C16orf96: variants seen among roughly 807,000 people sequenced by gnomAD.
C16orf96 encodes the protein uncharacterized protein C16orf96.
In C16orf96, 108 loss-of-function variants were observed where a neutral mutation model predicts 103.6. That is an observed-to-expected ratio of 1.04 (90% CI 0.89 to 1.22). The LOEUF (loss-of-function observed/expected upper bound fraction) is 1.22, where lower values mean the gene tolerates loss of function less well. Among genes scored for constraint, C16orf96 ranks in the 50% most tolerant of loss-of-function variants. The probability of loss-of-function intolerance (pLI) is 0.00; values close to 1 mark genes in which losing one functional copy is unlikely to be tolerated. For synonymous variants in C16orf96, 566 were observed against 593.5 expected, an observed-to-expected ratio of 0.95 and a Z score of 0.67; for missense variants, 1,586 against 1,464.2, an observed-to-expected ratio of 1.08 and a Z score of -1.36.
At chr16:4,549,499 C>T in the C16orf96 span, among the ~76,000 whole-genome samples, 9 of 150,016 alleles carry the variant, frequency 6.0e-5, no homozygotes, top group African/African-American at 2.2e-4. Context: ...AACAACCAAC[C>T]AGAATACCAG....
chr16:4,586,999 C>A (rs1443703336), intron 7 of C16orf96, 40 bp from the exon 8 acceptor site: 2 of 1,523,584 alleles, frequency 1.3e-6, no homozygotes, highest in Non-Finnish European at 1.8e-6. Flanking sequence ...ATCCTCAAGG[C>A]TCTCCAGGAT....
At chr16:4,547,287 C>A in the C16orf96 span, among the ~76,000 whole-genome samples, 4 of 152,194 alleles carry the variant, frequency 2.6e-5, no homozygotes, top group Non-Finnish European at 5.9e-5. Context: ...GGTGTGCCCA[C>A]CACCACACCC....
chr16:4,546,058 C>T, the C16orf96 span, among the ~76,000 whole-genome samples: 1 of 151,882 alleles, frequency 6.6e-6, no homozygotes, highest in Non-Finnish European at 1.5e-5. Flanking sequence ...GCATGTTGGC[C>T]AGGCTGATCT....
chr16:4,588,295 G>A lies in C16orf96; in HGVS notation c.2556G>A (p.Lys852=). Residue 852 remains lysine, a synonymous_variant, in exon 9 of 16, where the codon AAG becomes AAA. Transcript: ENST00000444310. The stretch of plus-strand genomic sequence containing the variant: ...CGATCCATGAGGACAGCTGGAAGAA[G>A]GCTATGGAGGAGCTCAGCAAGGACG... ...KVTIHEDSWK[K]AMEELSKDVN... 6.4e-7 allele frequency: 1 copy of A among 1,551,704 alleles called. No individual in the cohort carries two copies. Among genetic ancestry groups the A allele is most frequent in the Non-Finnish European group, 8.7e-7 (1 of 1,146,964 alleles).
intron 1 of C16orf96, among the ~76,000 whole-genome samples, chr16:4,568,149 C>T (rs1207393641): frequency 6.6e-6 from 1 of 151,352 alleles, no homozygotes; most frequent in Admixed American, 6.6e-5. Flanking sequence ...AAATGATACT[C>T]CTGCCTCAAG....
chr16:4,559,761 T>C (rs1259187143), intron 1 of C16orf96, among the ~76,000 whole-genome samples: 2 of 152,152 alleles, frequency 1.3e-5, no homozygotes, highest in African/African-American at 4.8e-5. Flanking sequence ...CCTTTACTTC[T>C]CCTCCCTGCA....
Position 4,574,805 on chromosome 16 carries a change from C to T in C16orf96, c.606+16C>T. The T allele has an allele frequency of 3.2e-6, 5 of 1,550,568 alleles. No individual in the cohort carries two copies. The highest frequency in any genetic ancestry group is 4.4e-6 in the Non-Finnish European group (5 of 1,146,436). Reference sequence around the variant, plus strand: ...GCGGGAAGTGGTGAGGGCCACCATCCCTGTCTTCCCCCACTCCCCCTGGGA... The same window carrying T: ...GCGGGAAGTGGTGAGGGCCACCATCTCTGTCTTCCCCCACTCCCCCTGGGA... On this transcript the variant is annotated intron_variant, in intron 3 of 15. Coordinates refer to ENST00000444310, the MANE Select transcript of C16orf96 (RefSeq NM_001145011.2).
chr16:4,578,635 G>A (rs976527023), intron 5 of C16orf96, among the ~76,000 whole-genome samples: 15 of 152,136 alleles, frequency 9.9e-5, no homozygotes, highest in African/African-American at 3.1e-4. Flanking sequence ...GCGTGTGCCT[G>A]TAATCCCAGG....
intron 1 of C16orf96, among the ~76,000 whole-genome samples, chr16:4,562,180 C>T (rs1042425493): frequency 6.6e-6 from 1 of 152,172 alleles, no homozygotes; most frequent in African/African-American, 2.4e-5. Flanking sequence ...TACAGATGTT[C>T]AAGAGAAAAG....
the C16orf96 span, among the ~76,000 whole-genome samples, chr16:4,547,737 T>TTTCTTTCTTTCTTTCC: frequency 7.0e-6 from 1 of 143,366 alleles, no homozygotes; most frequent in Admixed American, 7.2e-5. Flanking sequence ...TCTTTCTTTC[T>TTTCTTTCTTTCTTTCC]CCTTCCTTGC....
intron 11 of C16orf96, 76 bp downstream of exon 11, chr16:4,592,443 T>C: frequency 6.8e-7 from 1 of 1,476,060 alleles, no homozygotes; most frequent in Admixed American, 2.0e-5. Context: ...TGCACCTCCA[T>C]GTGCACCGTT....
the C16orf96 span, among the ~76,000 whole-genome samples, chr16:4,546,266 C>T: frequency 6.6e-6 from 1 of 151,180 alleles, no homozygotes; most frequent in Non-Finnish European, 1.5e-5. Context: ...TCACGCCATT[C>T]TCCTGCCTCA....
chr16:4,563,830 A>G (rs576545359), intron 1 of C16orf96, among the ~76,000 whole-genome samples: 15 of 150,388 alleles, frequency 1.0e-4, no homozygotes, highest in African/African-American at 3.4e-4. Flanking sequence ...GGGCCTCCCA[A>G]TGTGCTGGGA....
At chr16:4,559,240 C>CT in intron 1 of C16orf96, among the ~76,000 whole-genome samples, 1 of 151,998 alleles carries the variant, frequency 6.6e-6, no homozygotes, top group Non-Finnish European at 1.5e-5. Flanking sequence ...CCACTCTTCT[C>CT]TTTCAAATTG....
the C16orf96 span, among the ~76,000 whole-genome samples, chr16:4,551,296 G>A: frequency 1.3e-5 from 2 of 152,024 alleles, no homozygotes; most frequent in African/African-American, 4.8e-5. Context: ...TATTAGAAGC[G>A]AATGGCTTGA....
chr16:4,553,465 G>C (rs914413030), upstream of C16orf96, among the ~76,000 whole-genome samples: 4 of 152,012 alleles, frequency 2.6e-5, no homozygotes, highest in Admixed American at 1.3e-4. Flanking sequence ...GCAGCCTCGA[G>C]TAGCTGGGAT....
the C16orf96 span, among the ~76,000 whole-genome samples, chr16:4,539,651 C>T: frequency 1.3e-5 from 2 of 152,100 alleles, no homozygotes; most frequent in Non-Finnish European, 2.9e-5. Context: ...TGCCTCTGCA[C>T]TCCAGCCTGA....
chr16:4,571,601 C>T lies in C16orf96; in HGVS notation c.461C>T (p.Ala154Val). 7.1e-6 allele frequency: 11 copies of T among 1,552,328 alleles called. No homozygotes were observed. The highest frequency in any genetic ancestry group is 8.7e-6 in the Non-Finnish European group (10 of 1,147,092). ...CAGGACTTGCTCACTGATCTTCATGCACTCCAGGTCACCATCACAGCCCTC... is the reference window on the plus strand; with the variant it reads ...CAGGACTTGCTCACTGATCTTCATGTACTCCAGGTCACCATCACAGCCCTC... ...TLQDLLTDLH[A>V]LQVTITALRK... The change falls in exon 2 of 16, where the codon GCA (alanine) becomes GTA (valine). Residue 154 changes from alanine to valine, a missense_variant. Coordinates refer to ENST00000444310, the MANE Select transcript of C16orf96 (RefSeq NM_001145011.2).
At chr16:4,550,499 C>T in the C16orf96 span, among the ~76,000 whole-genome samples, 1 of 152,216 alleles carries the variant, frequency 6.6e-6, no homozygotes. Context: ...CAGCATCAAG[C>T]TAATGCATTG....
Sources: gnomAD v4.1 joint callset for allele counts (sites outside exome capture counted in the v4.1 genomes callset) on GRCh38, gnomAD v4.1.1 for gene constraint, MANE v1.5 for transcripts, NCBI Gene and HGNC (gene_info 2026-07-23, HGNC 2026-07-21) for gene names.